Variants in AGBL1 observed in about 807,000 individuals in gnomAD.
The protein encoded by AGBL1 is cytosolic carboxypeptidase 4.
Under a neutral mutation model 118.9 loss-of-function variants are expected in AGBL1, and 130 were observed. The ratio of observed to expected loss-of-function variants is 1.09; its 90% CI spans 0.95 to 1.26. The LOEUF (loss-of-function observed/expected upper bound fraction) is 1.26, where lower values mean the gene tolerates loss of function less well. Among genes scored for constraint, AGBL1 ranks in the 50% most tolerant of loss-of-function variants. The pLI is 0.00. For missense variants in AGBL1, 1,584 were observed against 1,298.1 expected (o/e 1.22, Z -3.38); for synonymous variants, 555 against 478.9 (o/e 1.16, Z -2.08).
chr15:87,012,992 C>T (rs1246622553), intron 24 of AGBL1, among the ~76,000 whole-genome samples: 1 of 152,068 alleles, frequency 6.6e-6, no homozygotes, highest in African/African-American at 2.4e-5. Flanking sequence ...GATGCGGTTG[C>T]AACAATGCTT....
chr15:86,852,647 G>A (rs2079423967), intron 22 of AGBL1, among the ~76,000 whole-genome samples: 1 of 152,128 alleles, frequency 6.6e-6, no homozygotes, highest in Non-Finnish European at 1.5e-5. Context: ...AAATGCCCCA[G>A]GGCTTTTTTC....
At chr15:86,087,868 G>A (rs2141453582) in intron 1 of AGBL1, among the ~76,000 whole-genome samples, 1 of 152,342 alleles carries the variant, frequency 6.6e-6, no homozygotes, top group Middle Eastern at 3.4e-3. Flanking sequence ...TCAGGTGTAA[G>A]TGTCTGCTGG....
chr15:86,952,979 T>C (rs2080894952), intron 23 of AGBL1, among the ~76,000 whole-genome samples: 1 of 152,178 alleles, frequency 6.6e-6, no homozygotes, highest in African/African-American at 2.4e-5. Context: ...GATCAGATTG[T>C]TATAGGTGTG....
At chr15:86,364,212 A>G (rs567521141) in intron 17 of AGBL1, among the ~76,000 whole-genome samples, 2 of 152,350 alleles carry the variant, frequency 1.3e-5, no homozygotes, top group East Asian at 3.9e-4. Flanking sequence ...ATCCTCCACA[A>G]TGTAGGACCC....
At chr15:86,815,514 T>G in intron 22 of AGBL1, among the ~76,000 whole-genome samples, 1 of 152,020 alleles carries the variant, frequency 6.6e-6, no homozygotes, top group Admixed American at 6.6e-5. Context: ...TTATGAAAAC[T>G]TAAGAAGTTG....
intron 19 of AGBL1, among the ~76,000 whole-genome samples, chr15:86,529,654 T>C (rs1221911505): frequency 4.2e-3 from 537 of 127,312 alleles, no homozygotes; most frequent in Middle Eastern, 8.5e-3. Flanking sequence ...GACACATAAT[T>C]GTCAGATTCA....
intron 21 of AGBL1, among the ~76,000 whole-genome samples, chr15:86,662,325 G>A (rs536121528): frequency 6.6e-6 from 1 of 152,232 alleles, no homozygotes; most frequent in Non-Finnish European, 1.5e-5. Context: ...CAAGGCATGT[G>A]CACTTTATAT....
intron 21 of AGBL1, among the ~76,000 whole-genome samples, chr15:86,619,698 C>A (rs542740264): frequency 3.9e-5 from 6 of 152,162 alleles, no homozygotes; most frequent in Middle Eastern, 3.4e-3. Context: ...ATTAAAGGAA[C>A]GAGATCAGTA....
At chr15:86,139,484 G>T (rs1438369371) in intron 1 of AGBL1, among the ~76,000 whole-genome samples, 1 of 152,120 alleles carries the variant, frequency 6.6e-6, no homozygotes, top group African/African-American at 2.4e-5. Flanking sequence ...CCTCTGTGCT[G>T]TATTGAAAAA....
intron 22 of AGBL1, among the ~76,000 whole-genome samples, chr15:86,746,950 A>C (rs182897575): frequency 1.3e-5 from 2 of 152,108 alleles, no homozygotes; most frequent in African/African-American, 4.8e-5. Flanking sequence ...CTGTTTAACT[A>C]TTAAGGAATT....
intron 4 of AGBL1, among the ~76,000 whole-genome samples, chr15:86,156,530 G>A (rs1483698884): frequency 6.6e-6 from 1 of 152,168 alleles, no homozygotes; most frequent in East Asian, 1.9e-4. Flanking sequence ...TATGAATTTA[G>A]GAGTGGACAC....
chr15:86,642,717 C>G (rs1019713471), intron 21 of AGBL1, among the ~76,000 whole-genome samples: 1 of 151,992 alleles, frequency 6.6e-6, no homozygotes, highest in African/African-American at 2.4e-5. Context: ...CCTTTTGATT[C>G]TATTTGCTTG....
intron 24 of AGBL1, among the ~76,000 whole-genome samples, chr15:87,027,167 A>T (rs950219334): frequency 2.6e-5 from 4 of 152,052 alleles, no homozygotes; most frequent in African/African-American, 9.7e-5. Context: ...CATGTGGCTA[A>T]CATATGAAAA....
chr15:86,848,167 C>T (rs1312543490), intron 22 of AGBL1, among the ~76,000 whole-genome samples: 3 of 152,146 alleles, frequency 2.0e-5, no homozygotes, highest in African/African-American at 7.2e-5. Flanking sequence ...CTACCCACAG[C>T]AAGAATGCCA....
intron 22 of AGBL1, among the ~76,000 whole-genome samples, chr15:86,718,033 G>C (rs1345227689): frequency 6.6e-6 from 1 of 152,086 alleles, no homozygotes; most frequent in Non-Finnish European, 1.5e-5. Flanking sequence ...AGCCAACATT[G>C]TGCCACTGCA....
At chr15:86,980,896 T>G (rs141943106) in intron 23 of AGBL1, among the ~76,000 whole-genome samples, 22 of 147,332 alleles carry the variant, frequency 1.5e-4, no homozygotes, top group African/African-American at 4.5e-4. Context: ...TTTTTTTTTT[T>G]TTTTTTTTGA....
chr15:86,379,478 A>G (rs4594232), intron 17 of AGBL1, among the ~76,000 whole-genome samples: 44,795 of 152,042 alleles, frequency 0.29, 7,512 homozygotes, highest in East Asian at 0.62. Flanking sequence ...TTGATTGAGT[A>G]CAGTTTGAAT....
At chr15:86,526,394 T>G (rs1426419724) in intron 19 of AGBL1, among the ~76,000 whole-genome samples, 1 of 151,970 alleles carries the variant, frequency 6.6e-6, no homozygotes, top group Non-Finnish European at 1.5e-5. Context: ...AAAGTTATTG[T>G]ATTAAAAATA....
At chr15:86,225,024 T>C (rs1312306062) in intron 6 of AGBL1, 73 bp downstream of exon 6, 6 of 1,421,708 alleles carry the variant, frequency 4.2e-6, no homozygotes, top group Non-Finnish European at 5.8e-6. Flanking sequence ...CTGGTCCCCA[T>C]GGCTGTTTCT....
Sources: gnomAD v4.1 joint callset for allele counts (sites outside exome capture counted in the v4.1 genomes callset) on GRCh38, gnomAD v4.1.1 for gene constraint, MANE v1.5 for transcripts, NCBI Gene and HGNC (gene_info 2026-07-23, HGNC 2026-07-21) for gene names.